The following GNG2 variants were observed in gnomAD, a reference collection of about 807,000 sequenced individuals.
GNG2 encodes the protein guanine nucleotide-binding protein G(I)/G(S)/G(O) subunit gamma-2.
Under a neutral mutation model 5.5 loss-of-function variants are expected in GNG2, and 5 were observed. The ratio of observed to expected loss-of-function variants is 0.91; its 90% confidence interval spans 0.48 to 1.92. GNG2 has a LOEUF of 1.92. GNG2 is among the 30% of genes most tolerant of loss of function. The pLI, the probability that GNG2 is intolerant of heterozygous loss-of-function variation, is 0.01. For missense variants in GNG2, 55 were observed against 88.4 expected (o/e 0.62, Z 1.52); for synonymous variants, 28 against 32.0 (o/e 0.88, Z 0.42).
chr14:51,927,858 TTTG>T (rs150493266), intron 2 of GNG2, among the ~76,000 whole-genome samples: 7,464 of 151,318 alleles, frequency 0.049, 174 homozygotes, highest in African/African-American at 0.059. Context: ...CTTCTGGTGG[TTTG>T]TTGTTGTTGT....
intron 1 of GNG2, among the ~76,000 whole-genome samples, chr14:51,867,191 G>C (rs538068285): frequency 6.6e-6 from 1 of 152,012 alleles, no homozygotes; most frequent in South Asian, 2.1e-4. Context: ...ACGAGTCTTT[G>C]GCCATTTAAT....
chr14:51,966,223 A>AC (rs1566720262), intron 3 of GNG2, among the ~76,000 whole-genome samples: 111 of 148,350 alleles, frequency 7.5e-4, no homozygotes, highest in African/African-American at 2.6e-3. Context: ...AAAAAAAAAA[A>AC]AAAAAAAAAA....
intron 3 of GNG2, among the ~76,000 whole-genome samples, chr14:51,961,450 A>T (rs961666108): frequency 3.3e-5 from 5 of 152,208 alleles, no homozygotes; most frequent in African/African-American, 1.2e-4. Context: ...TCAGGCACTG[A>T]TTATACGGTA....
chr14:51,899,155 GACAA>G (rs1885391672), intron 2 of GNG2, among the ~76,000 whole-genome samples: 2 of 152,042 alleles, frequency 1.3e-5, no homozygotes, highest in Admixed American at 1.3e-4. Flanking sequence ...ACCCCTTTCT[GACAA>G]ACAGTTTGCT....
At chr14:51,957,903 G>T (rs1033972923) in intron 3 of GNG2, among the ~76,000 whole-genome samples, 2 of 152,104 alleles carry the variant, frequency 1.3e-5, no homozygotes, top group Non-Finnish European at 2.9e-5. Flanking sequence ...TAATATCATA[G>T]AACTAATGGA....
intron 3 of GNG2, among the ~76,000 whole-genome samples, chr14:51,958,223 A>T (rs938186298): frequency 3.3e-5 from 5 of 152,156 alleles, no homozygotes; most frequent in Admixed American, 6.5e-5. Flanking sequence ...GCACAGAAAG[A>T]TGTTCTAAGC....
At chr14:51,939,949 T>C (rs761346402) in intron 2 of GNG2, 16 of 152,242 alleles carry the variant, frequency 1.1e-4, no homozygotes, top group African/African-American at 3.1e-4. Flanking sequence ...TGACCTAATC[T>C]AAGCCTCAAT....
intron 2 of GNG2, among the ~76,000 whole-genome samples, chr14:51,948,257 A>G (rs1442217018): frequency 2.0e-5 from 3 of 152,232 alleles, no homozygotes; most frequent in Non-Finnish European, 4.4e-5. Flanking sequence ...CTAAGAAAAA[A>G]AGTGTCGTTA....
intron 2 of GNG2, among the ~76,000 whole-genome samples, chr14:51,881,660 GCTTCC>G (rs1264238848): frequency 3.5e-5 from 5 of 144,502 alleles, no homozygotes; most frequent in African/African-American, 1.3e-4. Flanking sequence ...CAATAAATTA[GCTTCC>G]CTAGAATAGG....
intron 2 of GNG2, among the ~76,000 whole-genome samples, chr14:51,828,185 G>A (rs1203471776): frequency 5.3e-5 from 8 of 152,186 alleles, no homozygotes; most frequent in African/African-American, 1.2e-4. Flanking sequence ...CACAGTCTCC[G>A]GCAAGGCTGC....
intron 2 of GNG2, among the ~76,000 whole-genome samples, chr14:51,844,503 G>T (rs1416753137): frequency 6.6e-6 from 1 of 152,070 alleles, no homozygotes; most frequent in African/African-American, 2.4e-5. Flanking sequence ...CTCTGCTGTT[G>T]TTGACAGCCC....
intron 2 of GNG2, among the ~76,000 whole-genome samples, chr14:51,839,182 T>A (rs1164511477): frequency 6.6e-6 from 1 of 152,206 alleles, no homozygotes; most frequent in Non-Finnish European, 1.5e-5. Flanking sequence ...TGATGACATA[T>A]GTCCACGGTG....
intron 2 of GNG2, among the ~76,000 whole-genome samples, chr14:51,921,427 A>C (rs946674542): frequency 6.6e-6 from 1 of 152,250 alleles, no homozygotes; most frequent in African/African-American, 2.4e-5. Context: ...GAGTGAACAT[A>C]TAAACAAAAT....
intron 2 of GNG2, among the ~76,000 whole-genome samples, chr14:51,882,900 C>G (rs189474233): frequency 2.3e-4 from 35 of 151,480 alleles, no homozygotes; most frequent in Non-Finnish European, 4.3e-4. Context: ...GTCCCAGCTA[C>G]TTGGGAGGCT....
At chr14:51,954,383 A>G (rs956318256) in intron 3 of GNG2, among the ~76,000 whole-genome samples, 4 of 152,194 alleles carry the variant, frequency 2.6e-5, no homozygotes, top group African/African-American at 4.8e-5. Flanking sequence ...TGAAACAGCA[A>G]TAGACTCACA....
intron 2 of GNG2, among the ~76,000 whole-genome samples, chr14:51,829,056 C>A (rs552525474): frequency 6.3e-4 from 96 of 152,312 alleles, no homozygotes; most frequent in African/African-American, 2.1e-3. Context: ...CAATATTTAA[C>A]AAGTGAGCAA....
chr14:51,905,445 T>C (rs1885855674), intron 2 of GNG2, among the ~76,000 whole-genome samples: 1 of 152,194 alleles, frequency 6.6e-6, no homozygotes, highest in Non-Finnish European at 1.5e-5. Context: ...AAAATTTTCA[T>C]CCTAAATACC....
chr14:51,917,263 T>A, intron 2 of GNG2: 1 of 440,636 alleles, frequency 2.3e-6, no homozygotes. Flanking sequence ...GTCAGCACAC[T>A]TCCCAGTGAA....
chr14:51,957,789 C>G (rs1463994229), intron 3 of GNG2, among the ~76,000 whole-genome samples: 1 of 152,118 alleles, frequency 6.6e-6, no homozygotes. Context: ...ACCTTCATGA[C>G]CTTGACACTT....
Sources: allele counts gnomAD v4.1 joint callset (sites outside exome capture counted in the v4.1 genomes callset), GRCh38; gene constraint gnomAD v4.1.1; transcripts MANE v1.5; gene names NCBI Gene and HGNC (gene_info 2026-07-23, HGNC 2026-07-21).